Variants in NIBAN2 observed in about 807,000 individuals in gnomAD.
The protein encoded by NIBAN2 is protein Niban 2.
NIBAN2 carries 36 observed loss-of-function variants against 81.8 expected under a neutral mutation model. That is an observed-to-expected ratio of 0.44 (90% CI 0.34 to 0.58). The LOEUF is 0.58. Among genes scored for constraint, NIBAN2 ranks in the 20% least tolerant of loss-of-function variants. The probability of loss-of-function intolerance (pLI) is 0.02; values close to 1 mark genes in which losing one functional copy is unlikely to be tolerated. For synonymous variants in NIBAN2, 445 were observed against 441.6 expected, an observed-to-expected ratio of 1.01 and a Z score of -0.10; for missense variants, 897 against 1,014.1, an observed-to-expected ratio of 0.88 and a Z score of 1.57.
chr9:127,569,804 A>G (rs1334114997), upstream of NIBAN2, among the ~76,000 whole-genome samples: 1 of 152,212 alleles, frequency 6.6e-6, no homozygotes, highest in African/African-American at 2.4e-5. Context: ...GGCTCAGCAT[A>G]TGGGCATTTC....
rs1289523954 is a variant in NIBAN2, at chr9:127,517,898, A to T, written c.633T>A (p.Asp211Glu). 6.2e-7 allele frequency: 1 copy of T among 1,613,118 alleles called. No homozygotes were observed. Among genetic ancestry groups the T allele is most frequent in the African/African-American group, 1.3e-5 (1 of 74,848 alleles). ...DSKVEGPAFT[D>E]AIRMYRQSKE... ...TGGACTGTCGGTACATGCGGATGGC[A>T]TCTGTGAACGCAGGGCCCTCTACCT... is the stretch of plus-strand genomic sequence containing the variant. Residue 211 changes from aspartate (D) to glutamate (E), a missense_variant, in exon 6 of 14, where the codon GAT (aspartate) becomes GAA (glutamate). Asp to Glu is a conservative substitution (Grantham distance 45). This residue lies in a region of NIBAN2 where 69 missense variants were observed against 114.7 expected (regional missense o/e 0.60). Transcript: ENST00000373312. The surrounding 1 kb of genome is among the most constrained non-coding windows in gnomAD (Gnocchi z 4.0).
intron 4 of NIBAN2, chr9:127,524,781 G>T: frequency 3.0e-6 from 1 of 336,718 alleles, no homozygotes; most frequent in Non-Finnish European, 5.5e-6. Flanking sequence ...TTCAGCCAAG[G>T]TGAAGCAAAA....
At chr9:127,520,020 G>C (rs1836906018) in intron 5 of NIBAN2, among the ~76,000 whole-genome samples, 1 of 152,150 alleles carries the variant, frequency 6.6e-6, no homozygotes, top group South Asian at 2.1e-4. Flanking sequence ...CGGGACAGCG[G>C]GAGGGAGGCC....
At position 127,563,341 on chromosome 9, in the gene NIBAN2, A is replaced by AC. The variant is rs1837805330; in HGVS notation, c.55+5478dup. Among the ~76,000 whole-genome samples, 1 of 152,208 alleles carries AC rather than the reference A, an allele frequency of 6.6e-6. No homozygotes were observed. Among genetic ancestry groups the AC allele is most frequent in the South Asian group, 2.1e-4 (1 of 4,832 alleles). ...CCAGACACTTCGCCCCCAGGGGCTG[A>AC]CCCGGACCTTGGCTAAGGGCAGCGG... On this transcript the variant is annotated intron_variant, in intron 1 of 13. Transcript: ENST00000373312. This position sits in a 1 kb window ranked among gnomAD's most constrained non-coding sequence, Gnocchi z 4.1.
intron 8 of NIBAN2, among the ~76,000 whole-genome samples, chr9:127,515,177 G>T (rs1290624243): frequency 6.6e-6 from 1 of 152,102 alleles, no homozygotes; most frequent in Non-Finnish European, 1.5e-5. Context: ...AACCATGATT[G>T]TACCACTGCT....
In NIBAN2 at chr9:127,531,747, G is replaced by T. The variant is rs368904919; in HGVS notation, c.87C>A (p.Leu29=). 2.1e-5 allele frequency: 34 copies of T among 1,614,126 alleles called. No homozygotes were observed. In the African/African-American group the frequency reaches 3.9e-4, roughly 18 times the overall value. Residue 29 remains leucine, a synonymous_variant, in exon 2 of 14, where the codon CTC becomes CTA. Transcript: ENST00000373312. The part of the protein sequence containing the change: ...EKTGKILTEF[L]QFYEDQYGVA... ...CGCCATACTGGTCTTCATAGAACTG[G>T]AGGAACTCCGTCAGGATCTTCCCGG...
chr9:127,527,628 C>T lies in NIBAN2; in HGVS notation c.187-306G>A, dbSNP rs377671915. On this transcript the variant is annotated intron_variant, in intron 2 of 13. Coordinates refer to ENST00000373312, the MANE Select transcript of NIBAN2 (RefSeq NM_022833.4). ...CTGGCCACAGCCAGGCTCTCCCTCT[C>T]CATCCCAGCCTTGGGCTGTCACCGC... Among the ~76,000 whole-genome samples, 41 of 152,330 alleles carry T rather than the reference C, an allele frequency of 2.7e-4. No homozygotes were observed. The East Asian group carries it at 6.9e-3, about 26-fold the overall frequency.
chr9:127,558,149 C>T (rs1837708183), intron 1 of NIBAN2, among the ~76,000 whole-genome samples: 1 of 152,134 alleles, frequency 6.6e-6, no homozygotes, highest in Non-Finnish European at 1.5e-5. Flanking sequence ...TCACTGTCTG[C>T]GCATAGACGG....
rs761557803 is a variant in NIBAN2, at chr9:127,508,981, G to C, written c.1312C>G (p.Arg438Gly). Residue 438 changes from arginine (R) to glycine (G), a missense_variant, in exon 10 of 14, where the codon CGG becomes GGG. Physicochemically the swap from Arg to Gly is moderately radical, Grantham distance 125. Coordinates refer to ENST00000373312, the MANE Select transcript of NIBAN2 (RefSeq NM_022833.4). The surrounding 1 kb of genome is among the most constrained non-coding windows in gnomAD (Gnocchi z 6.4). ...GGTCGTAGCCTCGGGTCTACCTCCC[G>C]CATGTGGATCTGGGCTCGCTGCTTG... is the stretch of plus-strand genomic sequence containing the variant. ...VFKQRAQIHM[R>G]EQMDNAVYTF... is the part of the protein sequence containing the mutation. 86 of 1,613,550 alleles carry C rather than the reference G, an allele frequency of 5.3e-5. No individual in the cohort carries two copies. In the East Asian group the frequency reaches 1.6e-3, roughly 30 times the overall value.
chr9:127,507,036 G>A lies in NIBAN2; in HGVS notation c.2050C>T (p.Pro684Ser), dbSNP rs757794622. Residue 684 changes from proline to serine, a missense_variant, in exon 14 of 14, where the codon CCT (proline) becomes TCT (serine). This residue lies in a region of NIBAN2 where 619 missense variants were observed against 691.0 expected (regional missense o/e 0.90). Coordinates refer to ENST00000373312, the MANE Select transcript of NIBAN2 (RefSeq NM_022833.4). The surrounding 1 kb of genome is among the most constrained non-coding windows in gnomAD (Gnocchi z 6.8). Reference sequence around the variant, plus strand: ...GAGGAGGCCTCGGGGGCGGCCTTAGGCTGGGGACTCTCCCCAGCGGGGGCC... The same window carrying A: ...GAGGAGGCCTCGGGGGCGGCCTTAGACTGGGGACTCTCCCCAGCGGGGGCC... Reference protein sequence around the residue: ...NGAPAGESPQPKAAPEASSPP... With the variant: ...NGAPAGESPQSKAAPEASSPP... 8.3e-5 allele frequency: 132 copies of A among 1,588,910 alleles called. No homozygotes were observed. The highest frequency in any genetic ancestry group is 1.1e-4 in the Non-Finnish European group (124 of 1,167,008).
chr9:127,573,010 A>G (rs527502161), upstream of NIBAN2, among the ~76,000 whole-genome samples: 3 of 152,132 alleles, frequency 2.0e-5, no homozygotes, highest in South Asian at 6.2e-4. Context: ...TCGCCGCTAC[A>G]CTCCAGCTTG....
chr9:127,564,266 C>A (rs1390375570), intron 1 of NIBAN2, among the ~76,000 whole-genome samples: 1 of 148,776 alleles, frequency 6.7e-6, no homozygotes, highest in Non-Finnish European at 1.5e-5. Flanking sequence ...GAACTCTAGC[C>A]TGGGCAACAA....
chr9:127,530,414 C>A (rs1837156626), intron 2 of NIBAN2, among the ~76,000 whole-genome samples: 1 of 152,174 alleles, frequency 6.6e-6, no homozygotes, highest in Non-Finnish European at 1.5e-5. Context: ...CCAGGTGCGG[C>A]AGCTGAGGCC....
rs1398722495 is a variant in NIBAN2, at chr9:127,517,890, C to T, written c.641G>A (p.Arg214His). ...CAGCTCCTTGGACTGTCGGTACATG[C>T]GGATGGCATCTGTGAACGCAGGGCC... Reference protein sequence around the residue: ...VEGPAFTDAIRMYRQSKELYG... With the variant: ...VEGPAFTDAIHMYRQSKELYG... The change falls in exon 6 of 14, where the codon CGC (arginine) becomes CAC (histidine). Residue 214 changes from arginine (R) to histidine (H), a missense_variant. Arg to His is a conservative substitution (Grantham distance 29, BLOSUM62 0). Around this residue, in one of 3 missense-constraint regions of NIBAN2, gnomAD observed 69 missense variants for 114.7 expected, o/e 0.60. Transcript: ENST00000373312. This position sits in a 1 kb window ranked among gnomAD's most constrained non-coding sequence, Gnocchi z 4.0. 4.3e-6 allele frequency: 7 copies of T among 1,613,184 alleles called. No individual in the cohort carries two copies. The East Asian group carries it at 6.7e-5, about 15-fold the overall frequency.
In NIBAN2 at chr9:127,508,956, G is replaced by T; in HGVS notation, c.1317+20C>A. The T allele has an allele frequency of 6.2e-7, 1 of 1,613,082 alleles. No individual in the cohort carries two copies. On this transcript the variant is annotated intron_variant, in intron 10 of 13. Coordinates refer to ENST00000373312, the MANE Select transcript of NIBAN2 (RefSeq NM_022833.4). The surrounding 1 kb of genome is among the most constrained non-coding windows in gnomAD (Gnocchi z 6.4). ...GGCAGTGGACAGGGTGTGGGGTGGG[G>T]GTCGTAGCCTCGGGTCTACCTCCCG...
At position 127,507,298 on chromosome 9, in the gene NIBAN2, G is replaced by A. The variant is rs1463545083; in HGVS notation, c.1788C>T (p.Ser596=). ...PIDWGEEYSN[S]GGGGSPSPST... is the part of the protein sequence containing the mutation. The stretch of plus-strand genomic sequence containing the variant: ...TGGGGCTGGGGCTGCCGCCCCCGCC[G>A]CTGTTGCTGTACTCCTCGCCCCAGT... The change falls in exon 14 of 14, where the codon AGC becomes AGT. Residue 596 remains serine (S), a synonymous_variant. Transcript: ENST00000373312. The surrounding 1 kb of genome is among the most constrained non-coding windows in gnomAD (Gnocchi z 6.8). 33 of 1,594,834 alleles carry A rather than the reference G, an allele frequency of 2.1e-5. No homozygotes were observed. Among genetic ancestry groups the A allele is most frequent in the South Asian group, 1.4e-4 (13 of 90,036 alleles).
intron 1 of NIBAN2, among the ~76,000 whole-genome samples, chr9:127,552,676 G>A (rs1253478948): frequency 6.8e-6 from 1 of 146,104 alleles, no homozygotes; most frequent in Non-Finnish European, 1.5e-5. Context: ...AGGCGTAATG[G>A]AATATTCGTT....
In NIBAN2 at chr9:127,506,984, A is replaced by G. The variant is rs1474763898; in HGVS notation, c.2102T>C (p.Leu701Pro). ...SSPPASPLQH[L>P]LPGKAVDLGP... Reference sequence around the variant, plus strand: ...AAGGTCCACAGCCTTTCCAGGCAGGAGATGCTGGAGGGGTGAGGCAGGCGG... The same window carrying G: ...AAGGTCCACAGCCTTTCCAGGCAGGGGATGCTGGAGGGGTGAGGCAGGCGG... The change falls in exon 14 of 14, where the codon CTC becomes CCC. Residue 701 changes from leucine (L) to proline (P), a missense_variant. Leu to Pro is a moderately conservative substitution (Grantham distance 98, BLOSUM62 -3). Transcript: ENST00000373312. The G allele has an allele frequency of 6.2e-7, 1 of 1,600,006 alleles. No homozygotes were observed. Among genetic ancestry groups the G allele is most frequent in the East Asian group, 2.2e-5 (1 of 44,656 alleles).
chr9:127,526,401 A>AG (rs1837064361), intron 3 of NIBAN2, among the ~76,000 whole-genome samples: 1 of 150,440 alleles, frequency 6.6e-6, no homozygotes, highest in Non-Finnish European at 1.5e-5. Flanking sequence ...TTCATCTCAA[A>AG]AAAAAAAAAA....
Sources: gnomAD v4.1 joint callset for allele counts (sites outside exome capture counted in the v4.1 genomes callset) on GRCh38, gnomAD v4.1.1 for gene constraint, gnomAD v4.1.1 regional missense constraint, Gnocchi (gnomAD v3.1) non-coding constraint, MANE v1.5 for transcripts, NCBI Gene and HGNC (gene_info 2026-07-23, HGNC 2026-07-21) for gene names.